The following ADRA1B variants were observed in gnomAD, a reference collection of about 807,000 sequenced individuals.
The protein encoded by ADRA1B is alpha-1B adrenergic receptor.
ADRA1B carries 17 observed loss-of-function variants against 17.9 expected under a neutral mutation model. The ratio of observed to expected loss-of-function variants is 0.95; its 90% CI spans 0.65 to 1.42. The LOEUF (loss-of-function observed/expected upper bound fraction) is 1.42. ADRA1B is among the 40% of genes most tolerant of loss of function. ADRA1B has a pLI of 0.00. For synonymous variants in ADRA1B, 366 were observed against 327.6 expected (o/e 1.12, Z -1.27); for missense variants, 681 against 722.1 (o/e 0.94, Z 0.65).
chr5:159,947,341 T>TAA (rs199808919), intron 1 of ADRA1B, among the ~76,000 whole-genome samples: 5 of 147,334 alleles, frequency 3.4e-5, no homozygotes, highest in African/African-American at 1.2e-4. Context: ...AACTCCATCT[T>TAA]AAAAAAAAAA....
At chr5:159,949,667 T>A (rs1370753972) in intron 1 of ADRA1B, among the ~76,000 whole-genome samples, 1 of 152,180 alleles carries the variant, frequency 6.6e-6, no homozygotes, top group Non-Finnish European at 1.5e-5. Flanking sequence ...CCAGGCACTA[T>A]AACAGTGTAT....
chr5:159,924,409 A>G (rs949162817), intron 1 of ADRA1B, among the ~76,000 whole-genome samples: 1 of 152,190 alleles, frequency 6.6e-6, no homozygotes, highest in Non-Finnish European at 1.5e-5. Context: ...GGAATCACAG[A>G]AGACACCATG....
chr5:159,951,788 T>C (rs1330784523), intron 1 of ADRA1B, among the ~76,000 whole-genome samples: 1 of 152,194 alleles, frequency 6.6e-6, no homozygotes, highest in Non-Finnish European at 1.5e-5. Context: ...TGTGCCCTTT[T>C]ATTGTCTGGC....
intron 1 of ADRA1B, among the ~76,000 whole-genome samples, chr5:159,865,873 A>G (rs1280770486): frequency 6.6e-6 from 1 of 152,196 alleles, no homozygotes; most frequent in Non-Finnish European, 1.5e-5. Flanking sequence ...CACCTTAATA[A>G]AAGTGGTTTA....
chr5:159,951,085 C>T (rs1755425867), intron 1 of ADRA1B: 1 of 732,652 alleles, frequency 1.4e-6, no homozygotes, highest in South Asian at 1.4e-5. Flanking sequence ...TGTTGTCATA[C>T]TTCTTGTGGT....
At position 159,972,450 on chromosome 5, in the gene ADRA1B, G is replaced by A; in HGVS notation, c.1521G>A (p.Pro507=). 2 of 1,490,040 alleles carry A rather than the reference G, an allele frequency of 1.3e-6. No individual in the cohort carries two copies. Among genetic ancestry groups the A allele is most frequent in the Admixed American group, 2.2e-5 (1 of 46,390 alleles). 92.3% of individuals were successfully genotyped at this position (1,490,040 alleles called of 1,614,324 possible). A position where few individuals can be genotyped will look rare whatever the true frequency, so the allele number is the denominator to read the frequency against. ...CGGCCGACGTGGCCAACGGGCAGCC[G>A]GGCTTCAAAAGCAACATGCCCCTGG... The part of the protein sequence containing the change: ...EAAADVANGQ[P]GFKSNMPLAP... The change falls in exon 2 of 2, where the codon CCG becomes CCA. Residue 507 remains proline (P), a synonymous_variant. Transcript: ENST00000306675.
chr5:159,950,755 A>T lies in ADRA1B; in HGVS notation c.950-21124A>T, dbSNP rs552130573. 3.2e-5 allele frequency: 20 copies of T among 633,210 alleles called. No individual in the cohort carries two copies. In the South Asian group the frequency reaches 3.5e-4, roughly 11 times the overall value. 39.2% of individuals were successfully genotyped at this position (633,210 alleles called of 1,614,324 possible). A position where few individuals can be genotyped will look rare whatever the true frequency, so the allele number is the denominator to read the frequency against. ...GTCATCATATTTGGCAGGTTTTTCG[A>T]GACGGCAGGTGAGGTCCATGACTGA... On this transcript the variant is annotated intron_variant, in intron 1 of 1. Transcript: ENST00000306675.
At chr5:159,983,777 T>C in the ADRA1B span, among the ~76,000 whole-genome samples, 4 of 152,032 alleles carry the variant, frequency 2.6e-5, no homozygotes, top group African/African-American at 9.7e-5. Context: ...TTTTCTAGCA[T>C]CACTGATCTC....
rs757136411 is a variant in ADRA1B, at chr5:159,972,053, G to A, written c.1124G>A (p.Arg375His). The A allele has an allele frequency of 2.0e-5, 26 of 1,326,684 alleles. 1 individual carries two copies. The Admixed American group carries it at 5.1e-4, about 26-fold the overall frequency. 82.2% of individuals were successfully genotyped at this position (1,326,684 alleles called of 1,614,324 possible). A position where few individuals can be genotyped will look rare whatever the true frequency, so the allele number is the denominator to read the frequency against. The change falls in exon 2 of 2, where the codon CGC (arginine) becomes CAC (histidine). Residue 375 changes from arginine to histidine, a missense_variant. Arg to His is a conservative substitution (Grantham distance 29). Transcript: ENST00000306675. ...CQCRGRGRRR[R>H]RRRRRLGGCA... is the part of the protein sequence containing the mutation. Reference sequence around the variant, plus strand: ...TGCCGCGGCCGCGGCCGCCGCCGACGCCGCCGCCGCCGTCGCCTGGGCGGC... The same window carrying A: ...TGCCGCGGCCGCGGCCGCCGCCGACACCGCCGCCGCCGTCGCCTGGGCGGC...
chr5:159,917,273 C>A lies in ADRA1B; in HGVS notation c.368C>A (p.Ala123Asp), dbSNP rs768015451. Residue 123 changes from alanine to aspartate, a missense_variant, in exon 1 of 2, where the codon GCC becomes GAC. Transcript: ENST00000306675. Reference sequence around the variant, plus strand: ...CGGATCTTCTGTGACATCTGGGCAGCCGTGGATGTCCTGTGCTGCACAGCG... The same window carrying A: ...CGGATCTTCTGTGACATCTGGGCAGACGTGGATGTCCTGTGCTGCACAGCG... ...LGRIFCDIWA[A>D]VDVLCCTASI... 1.9e-6 allele frequency: 3 copies of A among 1,614,004 alleles called. No individual in the cohort carries two copies. The highest frequency in any genetic ancestry group is 2.5e-6 in the Non-Finnish European group (3 of 1,180,034).
At chr5:159,976,258 TG>T (rs1463042036), downstream of ADRA1B, among the ~76,000 whole-genome samples, 1 of 152,198 alleles carries the variant, frequency 6.6e-6, no homozygotes, top group Non-Finnish European at 1.5e-5. Flanking sequence ...TTGGAAAATC[TG>T]GTTATAGAGA....
At chr5:159,905,693 C>T (rs1405495971) in intron 1 of ADRA1B, among the ~76,000 whole-genome samples, 1 of 152,060 alleles carries the variant, frequency 6.6e-6, no homozygotes, top group Non-Finnish European at 1.5e-5. Context: ...ATAGCAAATG[C>T]TATAAAAGAG....
intron 1 of ADRA1B, among the ~76,000 whole-genome samples, chr5:159,876,432 A>T (rs541511892): frequency 3.9e-5 from 6 of 152,188 alleles, no homozygotes; most frequent in Non-Finnish European, 8.8e-5. Flanking sequence ...CCAGGAGCAA[A>T]ATATTTTCAG....
chr5:159,950,489 G>A (rs1755404156), intron 1 of ADRA1B: 2 of 1,452,012 alleles, frequency 1.4e-6, no homozygotes, highest in Non-Finnish European at 9.5e-7. Context: ...GTGGTCCAGG[G>A]GTGTTACTCC....
At chr5:159,908,529 G>A (rs1365576845) in intron 1 of ADRA1B, among the ~76,000 whole-genome samples, 3 of 152,142 alleles carry the variant, frequency 2.0e-5, no homozygotes, top group Non-Finnish European at 4.4e-5. Flanking sequence ...TTCCCCACGT[G>A]ATGCCAGCTT....
At chr5:159,965,681 A>AG (rs1485524656) in intron 1 of ADRA1B, among the ~76,000 whole-genome samples, 2 of 152,046 alleles carry the variant, frequency 1.3e-5, no homozygotes, top group East Asian at 3.9e-4. Context: ...AGGAGGAAGG[A>AG]GGGGGTCGAA....
chr5:159,902,878 T>C (rs925075960), intron 1 of ADRA1B, among the ~76,000 whole-genome samples: 1 of 152,220 alleles, frequency 6.6e-6, no homozygotes, highest in African/African-American at 2.4e-5. Context: ...TGTGGGGGTT[T>C]TCCTTCCTCC....
downstream of ADRA1B, among the ~76,000 whole-genome samples, chr5:159,976,365 AT>A (rs1176807961): frequency 6.6e-6 from 1 of 152,084 alleles, no homozygotes; most frequent in Admixed American, 6.5e-5. Context: ...GAGTAAAAGA[AT>A]TTTGTTGGCT....
intron 1 of ADRA1B, chr5:159,948,451 A>G (rs1232734416): frequency 3.0e-6 from 3 of 985,132 alleles, no homozygotes; most frequent in African/African-American, 1.7e-5. Context: ...ATCAGTCATC[A>G]TGTTTTCAAA....
Sources: allele counts gnomAD v4.1 joint callset (sites outside exome capture counted in the v4.1 genomes callset), GRCh38; gene constraint gnomAD v4.1.1; transcripts MANE v1.5; gene names NCBI Gene and HGNC (gene_info 2026-07-23, HGNC 2026-07-21).